The following MAGI2 variants were observed in gnomAD, a reference collection of about 807,000 sequenced individuals.
MAGI2 encodes membrane associated guanylate kinase, WW and PDZ domain containing 2.
In MAGI2, 35 loss-of-function variants were observed where a neutral mutation model predicts 133.3. The observed-to-expected ratio is 0.26, with a 90% CI of 0.20 to 0.35. The LOEUF (loss-of-function observed/expected upper bound fraction) is 0.35. MAGI2 is among the 10% of genes least tolerant of loss of function. The probability of loss-of-function intolerance (pLI) is 1.00; values close to 1 mark genes in which losing one functional copy is unlikely to be tolerated. For missense variants in MAGI2, 1,636 were observed against 1,863.4 expected, an observed-to-expected ratio of 0.88 and a Z score of 2.25; for synonymous variants, 729 against 710.6, an observed-to-expected ratio of 1.03 and a Z score of -0.41.
intron 2 of MAGI2, among the ~76,000 whole-genome samples, chr7:78,717,526 A>G (rs1819836967): frequency 6.6e-6 from 1 of 152,136 alleles, no homozygotes; most frequent in African/African-American, 2.4e-5. Context: ...TCAACGTACT[A>G]GCTGTGAATG....
At position 79,425,587 on chromosome 7, in the gene MAGI2, T is replaced by C. The variant is rs571412716; in HGVS notation, c.301+27433A>G. Among the ~76,000 whole-genome samples the C allele has an allele frequency of 3.6e-3, 289 of 79,930 alleles. 1 individual carries two copies. The highest frequency in any genetic ancestry group is 5.1e-3 in the Non-Finnish European group (241 of 47,276). The allele number at this position is 79,930 out of a possible 152,430, so 52.4% of individuals were successfully genotyped here. The stretch of plus-strand genomic sequence containing the variant: ...GCAGAAAATAAGGGTTTTATATATA[T>C]ATATATATATATGTATATATATGTA... On this transcript the variant is annotated intron_variant, in intron 1 of 21. Coordinates refer to ENST00000354212, the MANE Select transcript of MAGI2 (RefSeq NM_012301.4).
chr7:79,154,404 G>C (rs1467890513), intron 1 of MAGI2, among the ~76,000 whole-genome samples: 1 of 152,104 alleles, frequency 6.6e-6, no homozygotes, highest in Non-Finnish European at 1.5e-5. Flanking sequence ...GATTACATTT[G>C]ATCTTGTTTT....
intron 2 of MAGI2, among the ~76,000 whole-genome samples, chr7:78,902,861 G>A (rs1797709338): frequency 6.6e-6 from 1 of 152,160 alleles, no homozygotes. Flanking sequence ...GAGGGAAAAA[G>A]TAGGGAAGAT....
intron 2 of MAGI2, among the ~76,000 whole-genome samples, chr7:78,661,174 A>T (rs996094298): frequency 1.3e-5 from 2 of 152,248 alleles, no homozygotes; most frequent in Non-Finnish European, 1.5e-5. Context: ...TTATAAGAGT[A>T]GACAATGAGA....
chr7:78,055,048 G>A (rs141145916), intron 21 of MAGI2, among the ~76,000 whole-genome samples: 11 of 152,090 alleles, frequency 7.2e-5, no homozygotes, highest in South Asian at 6.2e-4. Flanking sequence ...GATTACAGGC[G>A]TGTGTTTTTT....
intron 1 of MAGI2, among the ~76,000 whole-genome samples, chr7:79,042,309 T>C (rs1811741381): frequency 6.6e-6 from 1 of 152,178 alleles, no homozygotes; most frequent in South Asian, 2.1e-4. Flanking sequence ...TTGATTGTTG[T>C]TGGTTTAAAG....
intron 2 of MAGI2, among the ~76,000 whole-genome samples, chr7:78,880,053 T>G (rs1795727733): frequency 6.6e-6 from 1 of 152,064 alleles, no homozygotes; most frequent in Admixed American, 6.6e-5. Context: ...GAACAAAGTC[T>G]TTGAGAAATG....
intron 1 of MAGI2, among the ~76,000 whole-genome samples, chr7:79,143,720 A>G (rs1016855757): frequency 3.9e-5 from 6 of 152,218 alleles, no homozygotes; most frequent in African/African-American, 1.4e-4. Flanking sequence ...AGCACAGATT[A>G]CAATTAATTC....
At chr7:78,185,232 G>T (rs1164152380) in intron 13 of MAGI2, among the ~76,000 whole-genome samples, 1 of 152,060 alleles carries the variant, frequency 6.6e-6, no homozygotes. Context: ...TTGAAATCCA[G>T]TGTGGATTTT....
intron 2 of MAGI2, among the ~76,000 whole-genome samples, chr7:78,832,587 G>T (rs1286171535): frequency 6.6e-6 from 1 of 152,172 alleles, no homozygotes; most frequent in East Asian, 1.9e-4. Context: ...CCAGTTATAA[G>T]CTTCGGCTTC....
chr7:78,896,375 A>G (rs761249850), intron 2 of MAGI2, among the ~76,000 whole-genome samples: 1 of 151,968 alleles, frequency 6.6e-6, no homozygotes, highest in East Asian at 1.9e-4. Context: ...AAAGCCATAC[A>G]ATGAGGCTGC....
chr7:79,422,529 A>G (rs1585921655), intron 1 of MAGI2, among the ~76,000 whole-genome samples: 1 of 152,088 alleles, frequency 6.6e-6, no homozygotes, highest in African/African-American at 2.4e-5. Flanking sequence ...GCAATTAAAA[A>G]AGTGATAAAC....
chr7:78,465,373 T>A (rs1297108238), intron 6 of MAGI2, among the ~76,000 whole-genome samples: 2 of 152,180 alleles, frequency 1.3e-5, no homozygotes, highest in African/African-American at 4.8e-5. Context: ...TTTTGGCATG[T>A]TCCTTACTAG....
intron 2 of MAGI2, among the ~76,000 whole-genome samples, chr7:78,867,462 A>G (rs1794657170): frequency 1.3e-5 from 2 of 150,636 alleles, no homozygotes; most frequent in South Asian, 2.1e-4. Flanking sequence ...AACACCACAT[A>G]TTCTCACTCA....
At chr7:79,452,722 C>T (rs1322077096) in intron 1 of MAGI2, among the ~76,000 whole-genome samples, 3 of 152,236 alleles carry the variant, frequency 2.0e-5, no homozygotes, top group Non-Finnish European at 4.4e-5. Flanking sequence ...ATGCCACTGA[C>T]GCACATTCAA....
intron 3 of MAGI2, among the ~76,000 whole-genome samples, chr7:78,605,973 C>T (rs770794883): frequency 9.9e-5 from 15 of 152,046 alleles, no homozygotes; most frequent in Non-Finnish European, 2.1e-4. Context: ...TCTGAAATGA[C>T]GACTGTATGA....
intron 1 of MAGI2, among the ~76,000 whole-genome samples, chr7:79,047,453 A>C (rs903181295): frequency 6.6e-6 from 1 of 152,144 alleles, no homozygotes; most frequent in African/African-American, 2.4e-5. Context: ...TTATTGACCT[A>C]CTATTATGGA....
chr7:78,038,202 A>G (rs900497379), intron 21 of MAGI2, among the ~76,000 whole-genome samples: 1 of 152,212 alleles, frequency 6.6e-6, no homozygotes, highest in Non-Finnish European at 1.5e-5. Context: ...CCCCTAACAC[A>G]GTGCTGGGCA....
intron 13 of MAGI2, among the ~76,000 whole-genome samples, chr7:78,179,338 C>G (rs147051201): frequency 2.0e-5 from 3 of 152,194 alleles, no homozygotes; most frequent in South Asian, 2.1e-4. Context: ...CAGTAGCACT[C>G]GTTGTAGAGA....
Sources: allele counts gnomAD v4.1 joint callset (sites outside exome capture counted in the v4.1 genomes callset), GRCh38; gene constraint gnomAD v4.1.1; transcripts MANE v1.5; gene names NCBI Gene and HGNC (gene_info 2026-07-23, HGNC 2026-07-21).